The following DSCAM variants were observed in gnomAD, a reference collection of about 807,000 sequenced individuals.
DSCAM encodes DS cell adhesion molecule.
A neutral mutation model predicts 217.7 loss-of-function variants in DSCAM; 47 were observed. That is an observed-to-expected ratio of 0.22 (90% CI 0.17 to 0.28). The LOEUF is 0.28. Ranked by LOEUF, DSCAM falls within the 10% of genes least tolerant of loss-of-function variation. The pLI is 1.00. For synonymous variants in DSCAM, 1,056 were observed against 1,015.3 expected (o/e 1.04, Z -0.76); for missense variants, 2,080 against 2,618.3 (o/e 0.79, Z 4.49).
At chr21:40,766,952 G>A (rs966993211) in intron 1 of DSCAM, among the ~76,000 whole-genome samples, 3 of 152,130 alleles carry the variant, frequency 2.0e-5, no homozygotes, top group African/African-American at 7.2e-5. Flanking sequence ...TCCCAAAGTG[G>A]TGGGATTACA....
At chr21:40,040,992 G>A (rs1029273542) in intron 32 of DSCAM, among the ~76,000 whole-genome samples, 1 of 152,184 alleles carries the variant, frequency 6.6e-6, no homozygotes, top group African/African-American at 2.4e-5. Flanking sequence ...CCCTAAGGAG[G>A]TAGACAGAAT....
chr21:40,136,318 TAA>T (rs1353535652), intron 18 of DSCAM, among the ~76,000 whole-genome samples: 5 of 152,150 alleles, frequency 3.3e-5, no homozygotes, highest in Non-Finnish European at 7.3e-5. Context: ...TGGATTAGGA[TAA>T]AAACCCAAAT....
rs185120884 is a variant in DSCAM, at chr21:40,301,181, C to T, written c.2063-5007G>A. On this transcript the variant is annotated intron_variant, in intron 9 of 32. Transcript: ENST00000400454. Reference sequence around the variant, plus strand: ...AGCCCCCTAACTGGTCTACCTGCCACGAACTGTCCCACTTGAATTCATTCT... The same window carrying T: ...AGCCCCCTAACTGGTCTACCTGCCATGAACTGTCCCACTTGAATTCATTCT... Among the ~76,000 whole-genome samples the T allele has an allele frequency of 3.0e-4, 46 of 152,320 alleles. No individual in the cohort carries two copies. In the East Asian group the frequency reaches 7.7e-3, roughly 26 times the overall value.
rs543957195 is a variant in DSCAM at position 40,028,535 on chromosome 21, G to A, written c.5686+13836C>T. On this transcript the variant is annotated intron_variant, in intron 32 of 32. Transcript: ENST00000400454. ...GCGTAGGACCCTCCAAGCCAGGTGC[G>A]GGATATAATCTCGTGGTGCGCCATG... Among the ~76,000 whole-genome samples the A allele has an allele frequency of 4.2e-3, 639 of 152,130 alleles. 5 individuals carry two copies. Among genetic ancestry groups the A allele is most frequent in the Non-Finnish European group, 6.6e-3 (451 of 67,926 alleles).
At chr21:40,277,686 T>C (rs1268233961) in intron 10 of DSCAM, among the ~76,000 whole-genome samples, 1 of 144,546 alleles carries the variant, frequency 6.9e-6, no homozygotes, top group Non-Finnish European at 1.5e-5. Flanking sequence ...CAGGCTGGAG[T>C]GCAGTGGCAC....
chr21:40,789,802 G>T (rs1380430326), intron 1 of DSCAM, among the ~76,000 whole-genome samples: 1 of 152,096 alleles, frequency 6.6e-6, no homozygotes, highest in African/African-American at 2.4e-5. Flanking sequence ...TGATCCGCCT[G>T]CCTCGGCCTC....
intron 3 of DSCAM, among the ~76,000 whole-genome samples, chr21:40,375,635 T>A (rs1237042846): frequency 6.6e-6 from 1 of 152,224 alleles, no homozygotes; most frequent in African/African-American, 2.4e-5. Flanking sequence ...ATGAGATTGG[T>A]TTAACATTTC....
At chr21:40,106,893 CTATT>C (rs891418982) in intron 20 of DSCAM, among the ~76,000 whole-genome samples, 1 of 128,710 alleles carries the variant, frequency 7.8e-6, no homozygotes, top group Non-Finnish European at 1.7e-5. Context: ...AGTGGTCTAT[CTATT>C]TTATTTTTTT....
intron 20 of DSCAM, among the ~76,000 whole-genome samples, chr21:40,115,491 C>A (rs1043747335): frequency 6.6e-6 from 1 of 152,034 alleles, no homozygotes; most frequent in African/African-American, 2.4e-5. Flanking sequence ...GTGCAGCACA[C>A]CAACATGGCA....
chr21:40,609,421 T>C (rs2089284620), intron 3 of DSCAM, among the ~76,000 whole-genome samples: 1 of 152,242 alleles, frequency 6.6e-6, no homozygotes, highest in East Asian at 1.9e-4. Context: ...CCTGTTTAGT[T>C]ATCAATTAAT....
chr21:40,358,729 G>A (rs1283933944), intron 4 of DSCAM, among the ~76,000 whole-genome samples: 1 of 150,578 alleles, frequency 6.6e-6, no homozygotes, highest in African/African-American at 2.5e-5. Context: ...TTGAACCCGG[G>A]AAGCGGAGGT....
chr21:40,476,798 A>G (rs140511883), intron 3 of DSCAM, among the ~76,000 whole-genome samples: 1,860 of 152,272 alleles, frequency 0.012, 8 homozygotes, highest in Middle Eastern at 0.051. Context: ...TAAGGCCTCA[A>G]TAAGAAGAAT....
chr21:40,735,062 T>C (rs959152418), intron 1 of DSCAM, among the ~76,000 whole-genome samples: 3 of 152,224 alleles, frequency 2.0e-5, no homozygotes, highest in Non-Finnish European at 4.4e-5. Context: ...CATTGAGAGA[T>C]AAATTAGCAA....
At chr21:40,081,396 A>G (rs1036656867) in intron 24 of DSCAM, among the ~76,000 whole-genome samples, 1 of 152,004 alleles carries the variant, frequency 6.6e-6, no homozygotes, top group African/African-American at 2.4e-5. Flanking sequence ...CACCCCTTAC[A>G]TGGCGATCAC....
At chr21:40,478,876 G>A (rs2075959314) in intron 3 of DSCAM, among the ~76,000 whole-genome samples, 1 of 152,074 alleles carries the variant, frequency 6.6e-6, no homozygotes, top group African/African-American at 2.4e-5. Context: ...GACATAGTAA[G>A]ATATTAACAA....
intron 9 of DSCAM, among the ~76,000 whole-genome samples, chr21:40,305,701 C>A (rs1351334786): frequency 6.7e-6 from 1 of 148,562 alleles, no homozygotes; most frequent in Non-Finnish European, 1.5e-5. Context: ...AATAGGGAAT[C>A]CTTTCCCCAT....
At chr21:40,276,350 C>T (rs1569037068) in intron 10 of DSCAM, 80 bp from the exon 11 acceptor site, 3 of 1,337,168 alleles carry the variant, frequency 2.2e-6, no homozygotes, top group Non-Finnish European at 2.0e-6. Context: ...TACACACAGA[C>T]TCATAAAGAG....
At chr21:40,810,405 A>G (rs1469883194) in intron 1 of DSCAM, among the ~76,000 whole-genome samples, 1 of 152,198 alleles carries the variant, frequency 6.6e-6, no homozygotes, top group Non-Finnish European at 1.5e-5. Flanking sequence ...ATTTATTAGA[A>G]GTTCTCCTTA....
chr21:40,176,760 C>T (rs1053337802), intron 15 of DSCAM, among the ~76,000 whole-genome samples: 4 of 152,162 alleles, frequency 2.6e-5, no homozygotes, highest in South Asian at 2.1e-4. Context: ...AGATACAATA[C>T]AAAAGGCCAG....
Sources: gnomAD v4.1 joint callset for allele counts (sites outside exome capture counted in the v4.1 genomes callset) on GRCh38, gnomAD v4.1.1 for gene constraint, MANE v1.5 for transcripts, NCBI Gene and HGNC (gene_info 2026-07-23, HGNC 2026-07-21) for gene names.